DNAAF9: variants seen among roughly 807,000 people sequenced by gnomAD.
The protein encoded by DNAAF9 is shulin.
A neutral mutation model predicts 167.0 loss-of-function variants in DNAAF9; 90 were observed. The observed-to-expected ratio is 0.54, with a 90% confidence interval of 0.45 to 0.64. DNAAF9 has a LOEUF of 0.64. Ranked by LOEUF, DNAAF9 falls within the 30% of genes least tolerant of loss-of-function variation. DNAAF9 has a pLI of 0.00. For synonymous variants in DNAAF9, 491 were observed against 508.8 expected (o/e 0.96, Z 0.47); for missense variants, 1,315 against 1,442.2 (o/e 0.91, Z 1.43).
chr20:3,310,228 C>T (rs1045791581), intron 20 of DNAAF9, among the ~76,000 whole-genome samples: 3 of 112,888 alleles, frequency 2.7e-5, no homozygotes, highest in South Asian at 5.5e-4. Flanking sequence ...AACTAATGAT[C>T]GAGAGAAAGA....
chr20:3,303,526 T>C (rs1419097278), intron 21 of DNAAF9, among the ~76,000 whole-genome samples: 4 of 152,244 alleles, frequency 2.6e-5, no homozygotes, highest in Non-Finnish European at 5.9e-5. Context: ...ATTGGAAGAC[T>C]CTTTAATCTA....
At chr20:3,332,904 T>C (rs1394651758) in intron 10 of DNAAF9, among the ~76,000 whole-genome samples, 1 of 125,522 alleles carries the variant, frequency 8.0e-6, no homozygotes, top group South Asian at 2.4e-4. Flanking sequence ...GCGTGTGGTG[T>C]GTGTGTGTGT....
Position 3,259,977 on chromosome 20 carries a change from G to C in DNAAF9, c.2925C>G (p.Ile975Met), listed in dbSNP as rs1409980347. 1 of 1,613,142 alleles carries C rather than the reference G, an allele frequency of 6.2e-7. No homozygotes were observed. The highest frequency in any genetic ancestry group is 8.5e-7 in the Non-Finnish European group (1 of 1,179,032). The change falls in exon 32 of 37, where the codon ATC (isoleucine) becomes ATG (methionine). Residue 975 changes from isoleucine (I) to methionine (M), a missense_variant. By Grantham distance (10) the Ile-to-Met change is conservative. This residue lies in a region of DNAAF9 where 334 missense variants were observed against 429.7 expected (regional missense o/e 0.78). Coordinates refer to ENST00000252032, the MANE Select transcript of DNAAF9 (RefSeq NM_001009984.3). Reference protein sequence around the residue: ...AGSVYPLMVQICVWFGRPLEK... With the variant: ...AGSVYPLMVQMCVWFGRPLEK... ...CCAAGGGACGGCCAAACCATACGCA[G>C]ATCTGAACCATTAGGGGATAGACTG...
chr20:3,272,607 A>G (rs1268966719), intron 29 of DNAAF9, among the ~76,000 whole-genome samples: 1 of 152,196 alleles, frequency 6.6e-6, no homozygotes, highest in Non-Finnish European at 1.5e-5. Context: ...ACTTGATTTA[A>G]TAGCTTTAAA....
intron 26 of DNAAF9, among the ~76,000 whole-genome samples, chr20:3,288,007 T>A (rs1329586375): frequency 6.6e-6 from 1 of 152,168 alleles, no homozygotes; most frequent in East Asian, 1.9e-4. Context: ...GGGCTTTTGA[T>A]AGGAAACCCC....
At chr20:3,335,572 C>T (rs1390703157) in intron 10 of DNAAF9, among the ~76,000 whole-genome samples, 1 of 151,816 alleles carries the variant, frequency 6.6e-6, no homozygotes, top group Non-Finnish European at 1.5e-5. Context: ...GCCTGGCCAA[C>T]ATAGTGAAAC....
At chr20:3,385,129 T>G (rs1416076818) in intron 1 of DNAAF9, among the ~76,000 whole-genome samples, 5 of 151,910 alleles carry the variant, frequency 3.3e-5, no homozygotes, top group Admixed American at 3.3e-4. Context: ...ATGGTCAAAG[T>G]CTGAATGTTT....
At chr20:3,316,636 A>G in intron 18 of DNAAF9, 87 bp downstream of exon 18, 2 of 880,834 alleles carry the variant, frequency 2.3e-6, no homozygotes, top group Non-Finnish European at 3.8e-6. Context: ...ACATCCCACC[A>G]GGGGCCCAAC....
chr20:3,353,403 A>G (rs1452614110), intron 7 of DNAAF9, among the ~76,000 whole-genome samples: 1 of 152,096 alleles, frequency 6.6e-6, no homozygotes, highest in Non-Finnish European at 1.5e-5. Context: ...GAGTGGGCAG[A>G]TCACCTGAGC....
intron 7 of DNAAF9, among the ~76,000 whole-genome samples, chr20:3,353,823 G>GA (rs2083248953): frequency 6.6e-6 from 1 of 152,060 alleles, no homozygotes; most frequent in African/African-American, 2.4e-5. Flanking sequence ...ACTTGTAGGT[G>GA]AAAAACGCAG....
intron 25 of DNAAF9, 123 bp downstream of exon 25, chr20:3,294,016 T>C (rs1482404041): frequency 7.5e-6 from 5 of 667,736 alleles, no homozygotes; most frequent in African/African-American, 3.6e-5. Flanking sequence ...TCCAAGGAAG[T>C]GGAGAGTCCT....
intron 13 of DNAAF9, 79 bp from the exon 14 acceptor site, chr20:3,325,047 A>G: frequency 1.2e-6 from 1 of 823,564 alleles, no homozygotes; most frequent in Admixed American, 1.7e-5. Flanking sequence ...GGGCCCTCCT[A>G]ACACTTGTCC....
intron 25 of DNAAF9, among the ~76,000 whole-genome samples, chr20:3,290,509 G>A (rs1322381938): frequency 6.6e-6 from 1 of 152,204 alleles, no homozygotes; most frequent in Non-Finnish European, 1.5e-5. Flanking sequence ...ACTAATTAGA[G>A]CATATTGTGA....
At chr20:3,387,304 G>C (rs1281339630) in intron 1 of DNAAF9, among the ~76,000 whole-genome samples, 1 of 152,146 alleles carries the variant, frequency 6.6e-6, no homozygotes, top group African/African-American at 2.4e-5. Context: ...GCATAAGACA[G>C]ATATACAGAC....
intron 8 of DNAAF9, among the ~76,000 whole-genome samples, chr20:3,345,819 T>C (rs2070181606): frequency 6.6e-6 from 1 of 152,098 alleles, no homozygotes. Flanking sequence ...AAAATGCTAA[T>C]AGCCCAATTA....
At chr20:3,282,244 T>C (rs181680104) in intron 27 of DNAAF9, among the ~76,000 whole-genome samples, 2 of 152,308 alleles carry the variant, frequency 1.3e-5, no homozygotes, top group East Asian at 3.9e-4. Context: ...ATCTCCTGCC[T>C]GGAACTCTCT....
At chr20:3,280,914 C>T (rs2068754230) in intron 28 of DNAAF9, among the ~76,000 whole-genome samples, 1 of 152,128 alleles carries the variant, frequency 6.6e-6, no homozygotes, top group African/African-American at 2.4e-5. Context: ...TGTGCCCTGC[C>T]TGATTTTGTT....
At chr20:3,402,368 CAT>C (rs1403897548) in intron 1 of DNAAF9, among the ~76,000 whole-genome samples, 4 of 142,130 alleles carry the variant, frequency 2.8e-5, no homozygotes, top group African/African-American at 8.2e-5. Flanking sequence ...CATCACCTCA[CAT>C]AGTTTTTTTT....
intron 25 of DNAAF9, among the ~76,000 whole-genome samples, chr20:3,293,860 G>A (rs1031129342): frequency 6.6e-6 from 1 of 152,092 alleles, no homozygotes; most frequent in Admixed American, 6.6e-5. Context: ...CACTGAGTAG[G>A]AGTTTAAATG....
Sources: gnomAD v4.1 joint callset for allele counts (sites outside exome capture counted in the v4.1 genomes callset) on GRCh38, gnomAD v4.1.1 for gene constraint, gnomAD v4.1.1 regional missense constraint, MANE v1.5 for transcripts, NCBI Gene and HGNC (gene_info 2026-07-23, HGNC 2026-07-21) for gene names.